Variants in CDK12 observed in about 807,000 individuals in gnomAD.
CDK12 encodes cyclin-dependent kinase 12.
Under a neutral mutation model 133.8 loss-of-function variants are expected in CDK12, and 17 were observed. The observed-to-expected ratio is 0.13, with a 90% CI of 0.09 to 0.19. CDK12 has a LOEUF of 0.19. CDK12 is among the 10% of genes least tolerant of loss of function. The probability of loss-of-function intolerance (pLI) is 1.00; values close to 1 mark genes in which losing one functional copy is unlikely to be tolerated. For synonymous variants in CDK12, 694 were observed against 683.6 expected, an observed-to-expected ratio of 1.02 and a Z score of -0.24; for missense variants, 1,508 against 1,818.7, an observed-to-expected ratio of 0.83 and a Z score of 3.11.
intron 2 of CDK12, chr17:39,551,151 G>T (rs141473981): frequency 6.6e-6 from 1 of 152,196 alleles, no homozygotes; most frequent in Non-Finnish European, 1.5e-5. Flanking sequence ...AGGTAGGTAG[G>T]TGTTGGGGGA....
chr17:39,539,494 T>G (rs1028435087), downstream of CDK12, among the ~76,000 whole-genome samples: 1 of 152,204 alleles, frequency 6.6e-6, no homozygotes, highest in Non-Finnish European at 1.5e-5. Context: ...CTCATGGTTG[T>G]TTGATATAAT....
At chr17:39,560,518 C>G (rs4795384) in intron 3 of CDK12, among the ~76,000 whole-genome samples, 103,990 of 152,112 alleles carry the variant, frequency 0.68, 36,441 homozygotes, top group South Asian at 0.89. Context: ...CATGTTAAGT[C>G]ACAAAGAAGA....
At chr17:39,498,240 T>C (rs930702904) in intron 5 of CDK12, among the ~76,000 whole-genome samples, 2 of 152,054 alleles carry the variant, frequency 1.3e-5, no homozygotes, top group African/African-American at 2.4e-5. Context: ...TTGTTTTTTT[T>C]TTGAGACGGC....
intron 5 of CDK12, among the ~76,000 whole-genome samples, chr17:39,497,013 C>T (rs1342207542): frequency 3.3e-5 from 5 of 149,266 alleles, no homozygotes; most frequent in African/African-American, 1.2e-4. Flanking sequence ...TCACTGCAAC[C>T]TCCGCCTCCT....
At chr17:39,469,636 C>CTT (rs1232951407) in intron 1 of CDK12, among the ~76,000 whole-genome samples, 57 of 132,786 alleles carry the variant, frequency 4.3e-4, no homozygotes, top group Middle Eastern at 3.8e-3. Flanking sequence ...AGTATGACTT[C>CTT]TTTTTTTTTT....
At chr17:39,564,136 G>A (rs2056489844) in intron 3 of CDK12, among the ~76,000 whole-genome samples, 1 of 152,146 alleles carries the variant, frequency 6.6e-6, no homozygotes, top group East Asian at 1.9e-4. Context: ...GAGGTCAGAG[G>A]ATACCTGGAG....
Position 39,462,305 on chromosome 17 carries a change from T to A in CDK12, c.234T>A (p.Ser78=), listed in dbSNP as rs150124402. The A allele has an allele frequency of 4.8e-4, 774 of 1,614,180 alleles. 3 individuals carry two copies. The African/African-American group carries it at 9.2e-3, about 19-fold the overall frequency. Residue 78 remains serine (S), a synonymous_variant, in exon 1 of 14, where the codon TCT becomes TCA. Transcript: ENST00000447079. The part of the protein sequence containing the change: ...KPLVEYDDIS[S]DSDTFSDDMA... ...TGGTGGAGTATGATGATATCAGCTCTGATTCCGACACCTTCTCCGATGACA... is the reference window on the plus strand; with the variant it reads ...TGGTGGAGTATGATGATATCAGCTCAGATTCCGACACCTTCTCCGATGACA...
At chr17:39,515,461 G>T (rs11078913) in intron 8 of CDK12, among the ~76,000 whole-genome samples, 92,248 of 151,936 alleles carry the variant, frequency 0.61, 31,649 homozygotes, top group South Asian at 0.88. Context: ...TAATTACAAT[G>T]GCATGATAGA....
At chr17:39,548,292 C>T (rs544683219), upstream of CDK12, among the ~76,000 whole-genome samples, 1 of 152,304 alleles carries the variant, frequency 6.6e-6, no homozygotes, top group Non-Finnish European at 1.5e-5. Flanking sequence ...AAACACTTTG[C>T]TCTAGTGGCC....
Position 39,531,070 on chromosome 17 carries a change from C to T in CDK12, c.4227C>T (p.Pro1409=). The T allele has an allele frequency of 1.2e-6, 2 of 1,609,732 alleles. No homozygotes were observed. The highest frequency in any genetic ancestry group is 1.7e-6 in the Non-Finnish European group (2 of 1,178,254). Residue 1409 remains proline (P), a synonymous_variant, in exon 14 of 14, where the codon CCC becomes CCT. Transcript: ENST00000447079. The part of the protein sequence containing the change: ...GDQDLRFARV[P]LALHPVVGQP... ...AGGACCTCCGTTTTGCCAGGGTCCC[C>T]TTAGCGTTACACCCGGTGGTCGGGC...
chr17:39,501,537 G>GTGTGAATACTGCA, intron 6 of CDK12, 98 bp downstream of exon 6: 1 of 752,342 alleles, frequency 1.3e-6, no homozygotes, highest in Non-Finnish European at 2.2e-6. Flanking sequence ...ACCTAATAGT[G>GTGTGAATACTGCA]CAGTATTCAC....
chr17:39,534,044 C>G lies in CDK12; in HGVS notation c.*2728C>G, dbSNP rs2055016321. 1 of 232,350 alleles carries G rather than the reference C, an allele frequency of 4.3e-6. No homozygotes were observed. Among genetic ancestry groups the G allele is most frequent in the African/African-American group, 2.2e-5 (1 of 45,274 alleles). The allele number at this position is 232,350 out of a possible 1,614,324, so 14.4% of individuals were successfully genotyped here. A position where few individuals can be genotyped will look rare whatever the true frequency, so the allele number is the denominator to read the frequency against. ...TTTTGAACAGATGAGAAATCTGATT[C>G]TGTTCATGAGTGGGAGGCAAAACTG... is the stretch of plus-strand genomic sequence containing the variant. On this transcript the variant is annotated 3_prime_UTR_variant, in exon 14 of 14. Coordinates refer to ENST00000447079, the MANE Select transcript of CDK12 (RefSeq NM_016507.4).
In CDK12 at chr17:39,462,164, C is replaced by G; in HGVS notation, c.93C>G (p.Asn31Lys). 6.2e-7 allele frequency: 1 copy of G among 1,614,150 alleles called. No homozygotes were observed. The highest frequency in any genetic ancestry group is 8.5e-7 in the Non-Finnish European group (1 of 1,179,944). Residue 31 changes from asparagine (N) to lysine (K), a missense_variant, in exon 1 of 14, where the codon AAC (asparagine) becomes AAG (lysine). Physicochemically the swap from Asn to Lys is moderately conservative, Grantham distance 94 (BLOSUM62 0). Around this residue, in one of 9 missense-constraint regions of CDK12, gnomAD observed 460 missense variants for 490.8 expected, o/e 0.94. Coordinates refer to ENST00000447079, the MANE Select transcript of CDK12 (RefSeq NM_016507.4). ...CGTCATCGGGAGGCGGCAGCTCTAA[C>G]AGCAGAGAGCGTCACCGCTTGGTAT... ...LQPSSGGGSS[N>K]SRERHRLVSK... is the part of the protein sequence containing the mutation.
chr17:39,462,957 A>T lies in CDK12; in HGVS notation c.886A>T (p.Ser296Cys). Reference protein sequence around the residue: ...QSSTRSPSPYSRRQRSVSPYS... With the variant: ...QSSTRSPSPYCRRQRSVSPYS... ...CAGCACCCGGTCACCGAGCCCCTACAGTAGGCGACAGAGATCTGTCAGTCC... is the reference window on the plus strand; with the variant it reads ...CAGCACCCGGTCACCGAGCCCCTACTGTAGGCGACAGAGATCTGTCAGTCC... The change falls in exon 1 of 14, where the codon AGT becomes TGT. Residue 296 changes from serine (S) to cysteine (C), a missense_variant. Coordinates refer to ENST00000447079, the MANE Select transcript of CDK12 (RefSeq NM_016507.4). The T allele has an allele frequency of 6.2e-7, 1 of 1,614,186 alleles. No homozygotes were observed. The highest frequency in any genetic ancestry group is 8.5e-7 in the Non-Finnish European group (1 of 1,180,032).
rs576079485 is a variant in CDK12 at position 39,534,363 on chromosome 17, A to C, written c.*3047A>C. 2 of 233,000 alleles carry C rather than the reference A, an allele frequency of 8.6e-6. No homozygotes were observed. The highest frequency in any genetic ancestry group is 3.6e-4 in the South Asian group (2 of 5,520). 14.4% of individuals were successfully genotyped at this position (233,000 alleles called of 1,614,324 possible). On this transcript the variant is annotated 3_prime_UTR_variant, in exon 14 of 14. Coordinates refer to ENST00000447079, the MANE Select transcript of CDK12 (RefSeq NM_016507.4). ...GAGAATGCTGCATCAGAAAAGTGTC[A>C]GTTGCCACCTCATTCTCCCTGATTT...
intron 2 of CDK12, among the ~76,000 whole-genome samples, chr17:39,481,075 G>A (rs1397053223): frequency 6.6e-5 from 10 of 151,884 alleles, no homozygotes; most frequent in African/African-American, 2.4e-4. Flanking sequence ...CCAACATGGA[G>A]AAACCCCGTC....
At chr17:39,535,205 A>C (rs1276803706), downstream of CDK12, 2 of 152,214 alleles carry the variant, frequency 1.3e-5, no homozygotes, top group Non-Finnish European at 2.9e-5. Flanking sequence ...CAATCCTGCT[A>C]GTTATGACAA....
chr17:39,462,031 C>T lies in CDK12; in HGVS notation c.-41C>T. On this transcript the variant is annotated 5_prime_UTR_variant, in exon 1 of 14. Transcript: ENST00000447079. ...TGGGTGGGGGTTGCTTTTTGGAGTG[C>T]TGGGGAACTTTTTTCCCTTCTTCAG... 1.3e-6 allele frequency: 2 copies of T among 1,553,062 alleles called. No homozygotes were observed. The highest frequency in any genetic ancestry group is 1.8e-6 in the Non-Finnish European group (2 of 1,135,822).
At chr17:39,464,101 A>T (rs2049129619) in intron 1 of CDK12, among the ~76,000 whole-genome samples, 1 of 152,196 alleles carries the variant, frequency 6.6e-6, no homozygotes, top group East Asian at 1.9e-4. Context: ...GTGATGATTA[A>T]ATTAGTCAAT....
Sources: allele counts gnomAD v4.1 joint callset (sites outside exome capture counted in the v4.1 genomes callset), GRCh38; gene constraint gnomAD v4.1.1; regional missense constraint gnomAD v4.1.1; transcripts MANE v1.5; gene names NCBI Gene and HGNC (gene_info 2026-07-23, HGNC 2026-07-21).